OPCML: variants seen among roughly 807,000 people sequenced by gnomAD.
OPCML encodes opioid binding protein/cell adhesion molecule like, also known as opioid-binding protein/cell adhesion molecule.
In OPCML, 13 loss-of-function variants were observed where a neutral mutation model predicts 37.8. The observed-to-expected ratio is 0.34, with a 90% CI of 0.22 to 0.55. The LOEUF is 0.55. Among genes scored for constraint, OPCML ranks in the 20% least tolerant of loss-of-function variants. OPCML has a pLI of 0.91. For synonymous variants in OPCML, 176 were observed against 168.8 expected (o/e 1.04, Z -0.33); for missense variants, 341 against 435.6 (o/e 0.78, Z 1.93).
chr11:133,081,883 A>C (rs1461607680), intron 1 of OPCML, among the ~76,000 whole-genome samples: 1 of 149,742 alleles, frequency 6.7e-6, no homozygotes, highest in Non-Finnish European at 1.5e-5. Context: ...AGCAGCCTTC[A>C]GCCGCCAGCG....
At chr11:133,068,934 T>C (rs1948481159) in intron 1 of OPCML, among the ~76,000 whole-genome samples, 1 of 152,164 alleles carries the variant, frequency 6.6e-6, no homozygotes, top group Non-Finnish European at 1.5e-5. Flanking sequence ...TTAAACTTAG[T>C]TCACAGTGAG....
At chr11:132,851,557 T>C (rs1021066721) in intron 2 of OPCML, among the ~76,000 whole-genome samples, 1 of 152,178 alleles carries the variant, frequency 6.6e-6, no homozygotes, top group African/African-American at 2.4e-5. Context: ...TACTACGATA[T>C]TTCTTCCCTG....
chr11:132,633,279 T>C (rs1459767557), intron 3 of OPCML, among the ~76,000 whole-genome samples: 5 of 151,484 alleles, frequency 3.3e-5, no homozygotes, highest in Non-Finnish European at 5.9e-5. Context: ...CTCGGCTCAC[T>C]GCAACCTCTA....
intron 2 of OPCML, among the ~76,000 whole-genome samples, chr11:132,743,534 A>C (rs1156758851): frequency 1.3e-5 from 2 of 152,196 alleles, no homozygotes; most frequent in Admixed American, 1.3e-4. Flanking sequence ...AGGATCATGA[A>C]ATTTTCTTTC....
chr11:132,971,767 T>C (rs1428377232), intron 1 of OPCML, among the ~76,000 whole-genome samples: 1 of 152,088 alleles, frequency 6.6e-6, no homozygotes, highest in Non-Finnish European at 1.5e-5. Flanking sequence ...CCCTCTTCTT[T>C]ACTCTCTTTC....
chr11:133,413,892 C>T (rs1411623855), intron 1 of OPCML, among the ~76,000 whole-genome samples: 1 of 152,126 alleles, frequency 6.6e-6, no homozygotes, highest in Non-Finnish European at 1.5e-5. Context: ...GGCGGAGAGC[C>T]CTGGAGCTGT....
chr11:133,471,751 G>A (rs959799058), intron 1 of OPCML, among the ~76,000 whole-genome samples: 2 of 152,142 alleles, frequency 1.3e-5, no homozygotes, highest in Admixed American at 1.3e-4. Context: ...CTCATGACAG[G>A]GTCTAAAATT....
Position 132,950,642 on chromosome 11 carries a change from A to G in OPCML, c.62-7632T>C, listed in dbSNP as rs115519240. ...GCTTGCTTTCCTAATTATCATAAAA[A>G]ATAGTGGTAAAGCTCTGCTGTGTGC... On this transcript the variant is annotated intron_variant, in intron 1 of 7. Coordinates refer to ENST00000524381, the MANE Select transcript of OPCML (RefSeq NM_001012393.5). Among the ~76,000 whole-genome samples, 353 of 152,280 alleles carry G rather than the reference A, an allele frequency of 2.3e-3. 1 individual carries two copies. Among genetic ancestry groups the G allele is most frequent in the African/African-American group, 7.9e-3 (328 of 41,562 alleles).
intron 4 of OPCML, among the ~76,000 whole-genome samples, chr11:132,459,054 C>T (rs1243890595): frequency 6.6e-6 from 1 of 152,168 alleles, no homozygotes; most frequent in East Asian, 1.9e-4. Flanking sequence ...TTCATTGGGC[C>T]ATCCTTCCCA....
chr11:133,219,614 G>A (rs2136358902), intron 1 of OPCML, among the ~76,000 whole-genome samples: 1 of 152,306 alleles, frequency 6.6e-6, no homozygotes, highest in South Asian at 2.1e-4. Context: ...GCAGTGTGAT[G>A]AGAAGACTTG....
chr11:132,827,303 A>G (rs1403290883), intron 2 of OPCML, among the ~76,000 whole-genome samples: 27 of 152,242 alleles, frequency 1.8e-4, no homozygotes, highest in Non-Finnish European at 4.4e-5. Flanking sequence ...TCAAATAAGT[A>G]TATGAAGAAT....
intron 1 of OPCML, among the ~76,000 whole-genome samples, chr11:132,982,962 T>G (rs1946618388): frequency 6.6e-6 from 1 of 152,206 alleles, no homozygotes; most frequent in South Asian, 2.1e-4. Flanking sequence ...CTGGGTAATG[T>G]GCTGTGGCTT....
At chr11:132,727,937 TGC>T (rs971989016) in intron 2 of OPCML, among the ~76,000 whole-genome samples, 30 of 152,206 alleles carry the variant, frequency 2.0e-4, no homozygotes, top group African/African-American at 6.3e-4. Flanking sequence ...CCAGCTCCTC[TGC>T]CGGGTAAGCT....
intron 1 of OPCML, among the ~76,000 whole-genome samples, chr11:133,341,350 C>G (rs781654856): frequency 6.6e-6 from 1 of 152,166 alleles, no homozygotes; most frequent in African/African-American, 2.4e-5. Context: ...AAATGAGGTG[C>G]CTCGACCAGA....
intron 1 of OPCML, among the ~76,000 whole-genome samples, chr11:132,952,785 G>A (rs1418311830): frequency 6.6e-6 from 1 of 152,168 alleles, no homozygotes; most frequent in Non-Finnish European, 1.5e-5. Context: ...TGAGCGCGGT[G>A]ATGCATGGGA....
intron 3 of OPCML, among the ~76,000 whole-genome samples, chr11:132,597,391 C>A (rs2096494001): frequency 6.6e-6 from 1 of 152,208 alleles, no homozygotes; most frequent in Non-Finnish European, 1.5e-5. Context: ...AGGCTTTTAA[C>A]ATATGGCTGG....
At chr11:133,127,537 G>A (rs1949535084) in intron 1 of OPCML, among the ~76,000 whole-genome samples, 1 of 151,992 alleles carries the variant, frequency 6.6e-6, no homozygotes. Flanking sequence ...GGAGGCTGAG[G>A]TGGGAGGATC....
At chr11:132,678,335 C>G (rs1436810801) in intron 2 of OPCML, among the ~76,000 whole-genome samples, 1 of 152,210 alleles carries the variant, frequency 6.6e-6, no homozygotes, top group Non-Finnish European at 1.5e-5. Context: ...GATAGGTTGA[C>G]AGTTTTGTAC....
At chr11:132,549,035 C>T (rs185761484) in intron 3 of OPCML, among the ~76,000 whole-genome samples, 86 of 152,198 alleles carry the variant, frequency 5.7e-4, no homozygotes, top group Middle Eastern at 3.4e-3. Context: ...TGGTCGAGAC[C>T]TCCTGGGCTG....
Sources: gnomAD v4.1 joint callset for allele counts (sites outside exome capture counted in the v4.1 genomes callset) on GRCh38, gnomAD v4.1.1 for gene constraint, MANE v1.5 for transcripts, NCBI Gene and HGNC (gene_info 2026-07-23, HGNC 2026-07-21) for gene names.